FBXL13: variants seen among roughly 807,000 people sequenced by gnomAD.
The protein encoded by FBXL13 is F-box and leucine rich repeat protein 13, also known as F-box and leucine-rich repeat protein 13.
A neutral mutation model predicts 83.6 loss-of-function variants in FBXL13; 67 were observed. The observed-to-expected ratio is 0.80, with a 90% CI of 0.66 to 0.98. The LOEUF (loss-of-function observed/expected upper bound fraction) is 0.98, where lower values mean the gene tolerates loss of function less well. Among genes scored for constraint, FBXL13 ranks in the 50% least tolerant of loss-of-function variants. The pLI, the probability that FBXL13 is intolerant of heterozygous loss-of-function variation, is 0.00. For missense variants in FBXL13, 822 were observed against 866.5 expected (o/e 0.95, Z 0.64); for synonymous variants, 272 against 299.5 (o/e 0.91, Z 0.95).
chr7:103,006,350 A>T (rs979005363), intron 6 of FBXL13, among the ~76,000 whole-genome samples: 2 of 152,216 alleles, frequency 1.3e-5, no homozygotes, highest in Non-Finnish European at 2.9e-5. Context: ...CTGAACAAAA[A>T]ATATCTACCA....
intron 8 of FBXL13, among the ~76,000 whole-genome samples, chr7:102,946,966 G>A (rs1822625603): frequency 6.6e-6 from 1 of 152,114 alleles, no homozygotes; most frequent in Non-Finnish European, 1.5e-5. Flanking sequence ...ATGAGCCACT[G>A]AGCCTGGACT....
chr7:102,996,722 A>G (rs1047683890), intron 6 of FBXL13, among the ~76,000 whole-genome samples: 1 of 152,118 alleles, frequency 6.6e-6, no homozygotes, highest in African/African-American at 2.4e-5. Flanking sequence ...TGCCTTTACC[A>G]CTGTGCTTTT....
At chr7:102,987,167 A>C (rs1829070511) in intron 6 of FBXL13, among the ~76,000 whole-genome samples, 1 of 152,082 alleles carries the variant, frequency 6.6e-6, no homozygotes, top group Admixed American at 6.6e-5. Flanking sequence ...AGAGGGCGAG[A>C]GAGGAGTGAG....
At chr7:103,032,272 C>T (rs1794586642) in intron 2 of FBXL13, among the ~76,000 whole-genome samples, 2 of 152,106 alleles carry the variant, frequency 1.3e-5, no homozygotes, top group Non-Finnish European at 2.9e-5. Flanking sequence ...AAATAAACAC[C>T]TAATACCCAC....
chr7:102,988,655 G>T (rs1829250635), intron 6 of FBXL13: 1 of 152,194 alleles, frequency 6.6e-6, no homozygotes, highest in Non-Finnish European at 1.5e-5. Context: ...TACTGCTCAG[G>T]CAAAGAACTC....
chr7:102,972,024 T>C (rs1585190820), intron 6 of FBXL13, among the ~76,000 whole-genome samples: 1 of 130,222 alleles, frequency 7.7e-6, no homozygotes, highest in Non-Finnish European at 1.6e-5. Context: ...AGAGTCCATC[T>C]CAAAAAAAAA....
chr7:102,964,912 A>G (rs758073746), intron 7 of FBXL13, among the ~76,000 whole-genome samples: 1 of 152,202 alleles, frequency 6.6e-6, no homozygotes, highest in African/African-American at 2.4e-5. Flanking sequence ...CATACAACAG[A>G]CCACTGGACA....
intron 16 of FBXL13, among the ~76,000 whole-genome samples, chr7:102,876,197 C>A (rs1006680610): frequency 6.6e-6 from 1 of 152,142 alleles, no homozygotes; most frequent in Non-Finnish European, 1.5e-5. Flanking sequence ...AAGGCAGACA[C>A]GACAGGGAAA....
At chr7:102,881,246 G>A (rs1450770466) in intron 14 of FBXL13, among the ~76,000 whole-genome samples, 1 of 151,912 alleles carries the variant, frequency 6.6e-6, no homozygotes, top group Non-Finnish European at 1.5e-5. Flanking sequence ...AGGAGTTCAA[G>A]ACCAGCCTGG....
chr7:102,834,102 G>GA (rs369525063), intron 17 of FBXL13, among the ~76,000 whole-genome samples: 1,277 of 101,972 alleles, frequency 0.013, 44 homozygotes, highest in East Asian at 0.034. Context: ...AAGAAAGAAA[G>GA]AAAGAAAGAA....
intron 2 of FBXL13, among the ~76,000 whole-genome samples, chr7:103,036,444 C>T (rs148481596): frequency 6.6e-5 from 10 of 152,090 alleles, no homozygotes; most frequent in East Asian, 5.8e-4. Context: ...TATAGCAGCA[C>T]GGCATGGTAT....
intron 16 of FBXL13, among the ~76,000 whole-genome samples, chr7:102,871,121 T>C (rs1240777520): frequency 6.6e-6 from 1 of 152,112 alleles, no homozygotes; most frequent in Non-Finnish European, 1.5e-5. Flanking sequence ...TGCTATGTTC[T>C]TCCTGGGAGT....
exon 2 of FBXL13, chr7:103,055,714 C>T (rs1309639094): frequency 1.6e-6 from 2 of 1,285,262 alleles, no homozygotes; most frequent in African/African-American, 3.0e-5. Flanking sequence ...AGCGGATCCT[C>T]AGGACATGTA....
At chr7:102,850,592 C>G (rs1231653951) in intron 17 of FBXL13, among the ~76,000 whole-genome samples, 1 of 152,030 alleles carries the variant, frequency 6.6e-6, no homozygotes, top group Non-Finnish European at 1.5e-5. Context: ...CATGTTTAAC[C>G]CTTAAGTTAA....
In FBXL13 at chr7:102,866,226, G is replaced by A. The variant is rs564070305; in HGVS notation, c.1635+11241C>T. 2.2e-4 allele frequency among the ~76,000 whole-genome samples: 34 copies of A among 152,282 alleles called. No homozygotes were observed. In the South Asian group the frequency reaches 6.8e-3, roughly 31 times the overall value. On this transcript the variant is annotated intron_variant, in intron 16 of 19. Transcript: ENST00000313221. Reference sequence around the variant, plus strand: ...CTACTTGATGGAGGTAGAGAGGAGAGTCATGCTGCCAAAGATCCATCTTGA... The same window carrying A: ...CTACTTGATGGAGGTAGAGAGGAGAATCATGCTGCCAAAGATCCATCTTGA...
chr7:102,986,938 C>CAT (rs1239506659), intron 6 of FBXL13, among the ~76,000 whole-genome samples: 1 of 151,136 alleles, frequency 6.6e-6, no homozygotes, highest in African/African-American at 2.4e-5. Flanking sequence ...CACACACACA[C>CAT]ACATATACAC....
chr7:102,997,316 AT>A (rs946605146), intron 6 of FBXL13, among the ~76,000 whole-genome samples: 13 of 152,204 alleles, frequency 8.5e-5, no homozygotes, highest in African/African-American at 2.9e-4. Context: ...AGTTGTACAT[AT>A]TTTGAGGGTA....
chr7:103,002,640 A>C (rs911597024), intron 6 of FBXL13, among the ~76,000 whole-genome samples: 2 of 152,182 alleles, frequency 1.3e-5, no homozygotes, highest in Non-Finnish European at 2.9e-5. Flanking sequence ...GGGAAAGACT[A>C]TCTCTCCTAC....
chr7:102,856,020 A>C (rs1480951844), intron 16 of FBXL13, among the ~76,000 whole-genome samples: 1 of 152,088 alleles, frequency 6.6e-6, no homozygotes, highest in Non-Finnish European at 1.5e-5. Flanking sequence ...AATTCTTTTA[A>C]CTTTTTAAAA....
Sources: allele counts gnomAD v4.1 joint callset (sites outside exome capture counted in the v4.1 genomes callset), GRCh38; gene constraint gnomAD v4.1.1; transcripts MANE v1.5; gene names NCBI Gene and HGNC (gene_info 2026-07-23, HGNC 2026-07-21).